ZNF423: variants seen among roughly 807,000 people sequenced by gnomAD.
ZNF423 encodes Ebf-associated zinc finger protein.
In ZNF423, 12 loss-of-function variants were observed where a neutral mutation model predicts 95.8. The ratio of observed to expected loss-of-function variants is 0.13; its 90% CI spans 0.08 to 0.20. The LOEUF (loss-of-function observed/expected upper bound fraction) is 0.20. ZNF423 is among the 10% of genes least tolerant of loss of function. The pLI, the probability that ZNF423 is intolerant of heterozygous loss-of-function variation, is 1.00. For missense variants in ZNF423, 1,316 were observed against 1,737.1 expected, an observed-to-expected ratio of 0.76 and a Z score of 4.31; for synonymous variants, 749 against 711.9, an observed-to-expected ratio of 1.05 and a Z score of -0.83.
intron 3 of ZNF423, among the ~76,000 whole-genome samples, chr16:49,674,379 C>T (rs923595248): frequency 2.6e-5 from 4 of 152,056 alleles, no homozygotes; most frequent in African/African-American, 9.7e-5. Context: ...GGGAGCAGTC[C>T]AGTCGGTAAT....
chr16:49,536,639 T>C (rs1369230551), intron 5 of ZNF423, among the ~76,000 whole-genome samples: 1 of 152,110 alleles, frequency 6.6e-6, no homozygotes, highest in African/African-American at 2.4e-5. Flanking sequence ...TCTTGCTATC[T>C]TTCCCAGGCT....
intron 5 of ZNF423, among the ~76,000 whole-genome samples, chr16:49,614,900 G>A (rs1971825891): frequency 6.6e-6 from 1 of 152,272 alleles, no homozygotes; most frequent in South Asian, 2.1e-4. Context: ...GGAGGCTCTG[G>A]CGGGTGTATC....
intron 7 of ZNF423, among the ~76,000 whole-genome samples, chr16:49,504,201 T>C (rs1967541010): frequency 6.6e-6 from 1 of 152,196 alleles, no homozygotes; most frequent in African/African-American, 2.4e-5. Flanking sequence ...ACAGTGTCAA[T>C]GTGCTGAATG....
At chr16:49,588,245 G>A (rs1034420015) in intron 5 of ZNF423, among the ~76,000 whole-genome samples, 1 of 152,206 alleles carries the variant, frequency 6.6e-6, no homozygotes, top group African/African-American at 2.4e-5. Flanking sequence ...TGAACCAACA[G>A]GGCCAGAAAC....
intron 1 of ZNF423, among the ~76,000 whole-genome samples, chr16:49,820,396 G>T (rs1417682756): frequency 1.3e-5 from 2 of 152,184 alleles, no homozygotes; most frequent in African/African-American, 4.8e-5. Flanking sequence ...ATGCTAAAAT[G>T]CCTTTACTAT....
intron 1 of ZNF423, among the ~76,000 whole-genome samples, chr16:49,836,762 C>T (rs2035124570): frequency 6.6e-6 from 1 of 152,118 alleles, no homozygotes. Context: ...TGCTCCTTCT[C>T]CCCCACTGAA....
intron 5 of ZNF423, among the ~76,000 whole-genome samples, chr16:49,611,836 A>C (rs1043236170): frequency 6.6e-6 from 1 of 152,022 alleles, no homozygotes; most frequent in African/African-American, 2.4e-5. Flanking sequence ...TCAAAAGAAT[A>C]ATAAGGGAAT....
At chr16:49,656,242 G>T (rs2029877698) in intron 3 of ZNF423, among the ~76,000 whole-genome samples, 1 of 152,200 alleles carries the variant, frequency 6.6e-6, no homozygotes. Flanking sequence ...AGGTGCAGTG[G>T]CTCGTGCCTG....
chr16:49,621,143 A>G (rs1242652207), intron 5 of ZNF423, among the ~76,000 whole-genome samples: 3 of 152,126 alleles, frequency 2.0e-5, no homozygotes, highest in African/African-American at 7.2e-5. Flanking sequence ...GAGGTGGGGA[A>G]AGGGCGACTG....
intron 5 of ZNF423, among the ~76,000 whole-genome samples, chr16:49,620,535 C>G (rs1362577772): frequency 2.0e-5 from 3 of 152,216 alleles, no homozygotes; most frequent in Non-Finnish European, 2.9e-5. Context: ...CGGGACAGGC[C>G]TGGCTCTGGC....
Position 49,716,872 on chromosome 16 carries a change from C to A in ZNF423, c.301+13899G>T, listed in dbSNP as rs149429361. ...TCCTTGACCTGCAAGCCCCAGTCAG[C>A]GGGAGATAAATTTGGTTGGTTTCTC... On this transcript the variant is annotated intron_variant, in intron 3 of 7. Coordinates refer to ENST00000563137, the MANE Select transcript of ZNF423 (RefSeq NM_001379286.1). Among the ~76,000 whole-genome samples, 394 of 152,238 alleles carry A rather than the reference C, an allele frequency of 2.6e-3. 2 individuals are homozygous for A. The highest frequency in any genetic ancestry group is 4.8e-3 in the Non-Finnish European group (325 of 68,020).
intron 1 of ZNF423, among the ~76,000 whole-genome samples, chr16:49,825,736 G>A (rs1363030129): frequency 6.6e-6 from 1 of 152,162 alleles, no homozygotes; most frequent in Admixed American, 6.5e-5. Context: ...GGACTCTCTT[G>A]CTGGAAAAAT....
rs567486501 is a variant in ZNF423 at position 49,515,479 on chromosome 16, T to C, written c.3849+8145A>G. On this transcript the variant is annotated intron_variant, in intron 7 of 7. Transcript: ENST00000563137. ...TGGTGGCAAAGACAATCCAGCTTTATGTGTGGCTCTGCCATTTGCAAATGA... is the reference window on the plus strand; with the variant it reads ...TGGTGGCAAAGACAATCCAGCTTTACGTGTGGCTCTGCCATTTGCAAATGA... Among the ~76,000 whole-genome samples, 30 of 152,360 alleles carry C rather than the reference T, an allele frequency of 2.0e-4. No homozygotes were observed. In the East Asian group the frequency reaches 5.8e-3, roughly 29 times the overall value.
rs914148982 is a variant in ZNF423, at chr16:49,855,186, G to A, written c.40+549C>T. On this transcript the variant is annotated intron_variant, in intron 1 of 7. Transcript: ENST00000563137. This position sits in a 1 kb window ranked among gnomAD's most constrained non-coding sequence, Gnocchi z 4.7. ...GGGGCGAGGGCGCGGCGCCCGGGGC[G>A]CTCGCCGACAGCGCCCGCCGCTCCC... Among the ~76,000 whole-genome samples, 62 of 150,206 alleles carry A rather than the reference G, an allele frequency of 4.1e-4. No individual in the cohort carries two copies. The highest frequency in any genetic ancestry group is 1.5e-3 in the African/African-American group (61 of 41,164).
chr16:49,622,526 C>T (rs1034307699), intron 5 of ZNF423, among the ~76,000 whole-genome samples: 5 of 152,300 alleles, frequency 3.3e-5, no homozygotes, highest in South Asian at 2.1e-4. Flanking sequence ...GCCATCTCTC[C>T]GAAGGCAACG....
chr16:49,842,711 C>T (rs1411317552), intron 1 of ZNF423, among the ~76,000 whole-genome samples: 1 of 152,172 alleles, frequency 6.6e-6, no homozygotes, highest in Non-Finnish European at 1.5e-5. Context: ...CGCCGTAGCT[C>T]ACGCCTGTAA....
At chr16:49,813,986 C>A (rs1182040406) in intron 1 of ZNF423, among the ~76,000 whole-genome samples, 1 of 152,220 alleles carries the variant, frequency 6.6e-6, no homozygotes, top group Non-Finnish European at 1.5e-5. Flanking sequence ...ACAAGCAGCT[C>A]CTTCCTCAAG....
intron 3 of ZNF423, among the ~76,000 whole-genome samples, chr16:49,685,983 T>C (rs932078067): frequency 1.3e-5 from 2 of 152,210 alleles, no homozygotes; most frequent in Admixed American, 6.5e-5. Context: ...CCATAATTTC[T>C]ATTCATTGTT....
chr16:49,659,933 T>A (rs2030115674), intron 3 of ZNF423, among the ~76,000 whole-genome samples: 1 of 152,050 alleles, frequency 6.6e-6, no homozygotes, highest in African/African-American at 2.4e-5. Context: ...GCCAAATGAG[T>A]CAATGGATGC....
Sources: allele counts gnomAD v4.1 joint callset (sites outside exome capture counted in the v4.1 genomes callset), GRCh38; gene constraint gnomAD v4.1.1; non-coding constraint Gnocchi (gnomAD v3.1); transcripts MANE v1.5; gene names NCBI Gene and HGNC (gene_info 2026-07-23, HGNC 2026-07-21).